The following AFF3 variants were observed in gnomAD, a reference collection of about 807,000 sequenced individuals.
AFF3 encodes AF4/FMR2 family member 3.
AFF3 carries 32 observed loss-of-function variants against 129.7 expected under a neutral mutation model. That is an observed-to-expected ratio of 0.25 (90% CI 0.19 to 0.33). AFF3 has a LOEUF of 0.33. Ranked by LOEUF, AFF3 falls within the 10% of genes least tolerant of loss-of-function variation. The pLI, the probability that AFF3 is intolerant of heterozygous loss-of-function variation, is 1.00. For missense variants in AFF3, 1,373 were observed against 1,592.0 expected, an observed-to-expected ratio of 0.86 and a Z score of 2.34; for synonymous variants, 644 against 635.4, an observed-to-expected ratio of 1.01 and a Z score of -0.20.
intron 4 of AFF3, 92 bp from the exon 5 acceptor site, chr2:100,009,024 C>T (rs989059059): frequency 9.4e-6 from 14 of 1,496,542 alleles, no homozygotes; most frequent in African/African-American, 2.8e-5. Flanking sequence ...AAGTCTGGTT[C>T]GTGGACAAAT....
At chr2:99,902,508 C>A (rs1694420904) in intron 7 of AFF3, among the ~76,000 whole-genome samples, 1 of 152,126 alleles carries the variant, frequency 6.6e-6, no homozygotes, top group African/African-American at 2.4e-5. Flanking sequence ...AGGTGTACCT[C>A]ATCAATGCAG....
chr2:99,598,022 C>T (rs781688102), intron 14 of AFF3, among the ~76,000 whole-genome samples: 16 of 152,098 alleles, frequency 1.1e-4, no homozygotes, highest in African/African-American at 2.7e-4. Flanking sequence ...TTTTTAAGAA[C>T]GATCTAGGGC....
intron 9 of AFF3, among the ~76,000 whole-genome samples, chr2:99,748,007 C>T (rs1469150717): frequency 6.6e-6 from 1 of 152,058 alleles, no homozygotes; most frequent in Non-Finnish European, 1.5e-5. Flanking sequence ...TTTAGGTCCT[C>T]TTATCAGACA....
intron 7 of AFF3, among the ~76,000 whole-genome samples, chr2:99,989,234 C>T (rs1680131985): frequency 6.6e-6 from 1 of 152,110 alleles, no homozygotes; most frequent in African/African-American, 2.4e-5. Context: ...AAATATGGCT[C>T]CTCAGCTTAC....
chr2:99,737,877 A>T (rs971267391), intron 10 of AFF3, among the ~76,000 whole-genome samples: 2 of 151,734 alleles, frequency 1.3e-5, no homozygotes, highest in African/African-American at 4.9e-5. Flanking sequence ...TAATTTCTTA[A>T]ATTCAACTTT....
intron 7 of AFF3, among the ~76,000 whole-genome samples, chr2:99,985,858 T>C (rs757282463): frequency 9.2e-5 from 14 of 152,036 alleles, no homozygotes; most frequent in East Asian, 1.9e-4. Flanking sequence ...AGTTGTATAC[T>C]TAGGATTACT....
chr2:100,083,420 C>T (rs60311127), intron 4 of AFF3, among the ~76,000 whole-genome samples: 23,180 of 152,056 alleles, frequency 0.15, 1,986 homozygotes, highest in East Asian at 0.28. Context: ...CACCGCAAGC[C>T]CCTGCTGGTC....
intron 12 of AFF3, among the ~76,000 whole-genome samples, chr2:99,672,203 C>CGAATA (rs1558729245): frequency 7.3e-6 from 1 of 136,464 alleles, no homozygotes; most frequent in South Asian, 2.5e-4. Flanking sequence ...CACACACACA[C>CGAATA]ACACACACAC....
intron 4 of AFF3, among the ~76,000 whole-genome samples, chr2:100,025,388 A>G (rs917958950): frequency 1.3e-4 from 20 of 152,230 alleles, no homozygotes; most frequent in African/African-American, 3.9e-4. Context: ...CACTGCTGAA[A>G]GAAATCACAG....
chr2:99,877,945 T>C (rs1228639551), intron 7 of AFF3, among the ~76,000 whole-genome samples: 2 of 152,174 alleles, frequency 1.3e-5, no homozygotes, highest in African/African-American at 4.8e-5. Flanking sequence ...GCATGTTGGA[T>C]GAACACATCA....
intron 7 of AFF3, among the ~76,000 whole-genome samples, chr2:99,873,081 G>A (rs1343377971): frequency 6.6e-6 from 1 of 152,182 alleles, no homozygotes; most frequent in Admixed American, 6.5e-5. Context: ...GTGAATAAAC[G>A]TAGCTTTTCT....
intron 5 of AFF3, 80 bp from the exon 6 acceptor site, chr2:100,007,540 TCA>T: frequency 7.6e-7 from 1 of 1,320,902 alleles, no homozygotes; most frequent in Non-Finnish European, 1.0e-6. Context: ...CCCTTATCAA[TCA>T]CAGAGCCAGG....
chr2:99,789,446 CAAAAAA>C (rs34653301), intron 8 of AFF3, among the ~76,000 whole-genome samples: 5 of 62,050 alleles, frequency 8.1e-5, no homozygotes, highest in South Asian at 9.1e-4. Context: ...GCCCTGTCAC[CAAAAAA>C]AAAAAAAAAA....
chr2:99,976,629 C>T (rs547703296), intron 7 of AFF3, among the ~76,000 whole-genome samples: 2 of 152,270 alleles, frequency 1.3e-5, no homozygotes, highest in African/African-American at 4.8e-5. Flanking sequence ...AGGAAATCCA[C>T]AAGGCCTACA....
At chr2:99,622,535 A>T (rs1682123416) in intron 13 of AFF3, among the ~76,000 whole-genome samples, 1 of 152,246 alleles carries the variant, frequency 6.6e-6, no homozygotes. Flanking sequence ...TTGCTTTATT[A>T]TTCCTGAGTA....
In AFF3 at chr2:99,672,594, A is replaced by G; in HGVS notation, c.1092-5T>C. 6.2e-7 allele frequency: 1 copy of G among 1,614,070 alleles called. No homozygotes were observed. On this transcript the variant is annotated splice_region_variant and splice_polypyrimidine_tract_variant and intron_variant, in intron 11 of 24. Coordinates refer to ENST00000672756, the MANE Select transcript of AFF3 (RefSeq NM_001386135.1). ...TTAAGGTCATCTTCCAGCATTCTGA[A>G]AGAAGGAACAAAGAGGTACAAAGAG...
chr2:99,566,676 T>G (rs553336321), intron 19 of AFF3, among the ~76,000 whole-genome samples: 8 of 152,246 alleles, frequency 5.3e-5, no homozygotes, highest in Non-Finnish European at 8.8e-5. Flanking sequence ...CAGTCTAAAC[T>G]TATGCATCAA....
intron 7 of AFF3, among the ~76,000 whole-genome samples, chr2:100,004,257 T>G (rs1247588456): frequency 6.6e-6 from 1 of 152,190 alleles, no homozygotes; most frequent in Non-Finnish European, 1.5e-5. Context: ...CACTGGAAGT[T>G]AATGTCTGTA....
intron 13 of AFF3, among the ~76,000 whole-genome samples, chr2:99,643,543 A>G (rs1684413082): frequency 6.6e-6 from 1 of 152,160 alleles, no homozygotes; most frequent in Non-Finnish European, 1.5e-5. Context: ...AACTATTAGT[A>G]CTGTGTGGCA....
Sources: allele counts gnomAD v4.1 joint callset (sites outside exome capture counted in the v4.1 genomes callset), GRCh38; gene constraint gnomAD v4.1.1; transcripts MANE v1.5; gene names NCBI Gene and HGNC (gene_info 2026-07-23, HGNC 2026-07-21).